ZEB1: variants seen among roughly 807,000 people sequenced by gnomAD.
The protein encoded by ZEB1 is zinc finger E-box-binding homeobox 1.
Under a neutral mutation model 84.9 loss-of-function variants are expected in ZEB1, and 21 were observed. That is an observed-to-expected ratio of 0.25 (90% confidence interval 0.18 to 0.36). ZEB1 has a LOEUF of 0.36. ZEB1 is among the 10% of genes least tolerant of loss of function. ZEB1 has a pLI of 1.00. For synonymous variants in ZEB1, 420 were observed against 471.1 expected (o/e 0.89, Z 1.41); for missense variants, 1,104 against 1,330.2 (o/e 0.83, Z 2.65).
chr10:31,402,525 G>A (rs982338855), intron 1 of ZEB1, among the ~76,000 whole-genome samples: 1 of 152,062 alleles, frequency 6.6e-6, no homozygotes, highest in African/African-American at 2.4e-5. Flanking sequence ...TTAATTACTG[G>A]TGGGGCCCTG....
chr10:31,428,969 A>G lies in ZEB1; in HGVS notation c.59-32068A>G, dbSNP rs151055984. Among the ~76,000 whole-genome samples, 128 of 152,222 alleles carry G rather than the reference A, an allele frequency of 8.4e-4. 1 individual carries two copies. The East Asian group carries it at 0.023, about 27-fold the overall frequency. On this transcript the variant is annotated intron_variant, in intron 1 of 8. Transcript: ENST00000424869. ...GCCTATGTGTGTCACTGCATGTGAG[A>G]TGGATCTCTTGAATACAGCATACCA...
In ZEB1 at chr10:31,476,464, TA is replaced by T. The variant is rs139770708; in HGVS notation, c.259+15236del. Among the ~76,000 whole-genome samples the T allele has an allele frequency of 7.3e-5, 11 of 150,312 alleles. No homozygotes were observed. The East Asian group carries it at 9.8e-4, about 13-fold the overall frequency. The stretch of plus-strand genomic sequence containing the variant: ...ATGAGTAAGGAAATTGAATCAATAG[TA>T]AAAAAAAACCTTCCAACAACAAAAA... On this transcript the variant is annotated intron_variant, in intron 2 of 8. Coordinates refer to ENST00000424869, the MANE Select transcript of ZEB1 (RefSeq NM_001174096.2).
intron 1 of ZEB1, among the ~76,000 whole-genome samples, chr10:31,322,525 G>A (rs1444520528): frequency 6.6e-6 from 1 of 152,182 alleles, no homozygotes; most frequent in East Asian, 1.9e-4. Context: ...GATATTAAAA[G>A]GAGTATCAGG....
intron 1 of ZEB1, among the ~76,000 whole-genome samples, chr10:31,347,964 A>G (rs953578588): frequency 2.0e-5 from 3 of 152,328 alleles, no homozygotes; most frequent in East Asian, 3.9e-4. Context: ...AGAGCAACAG[A>G]TGGTGTCTGG....
At chr10:31,432,585 T>C (rs1014811516) in intron 1 of ZEB1, among the ~76,000 whole-genome samples, 1 of 152,140 alleles carries the variant, frequency 6.6e-6, no homozygotes, top group Non-Finnish European at 1.5e-5. Context: ...CGCAATACCC[T>C]GTCTCAATTT....
chr10:31,526,580 C>G (rs921583580), intron 8 of ZEB1, 92 bp from the exon 9 acceptor site: 1 of 1,448,060 alleles, frequency 6.9e-7, no homozygotes, highest in African/African-American at 1.4e-5. Context: ...AATAACCCTC[C>G]CCTTTCTACA....
chr10:31,363,993 G>A (rs1250978425), intron 1 of ZEB1, among the ~76,000 whole-genome samples: 1 of 152,206 alleles, frequency 6.6e-6, no homozygotes, highest in Non-Finnish European at 1.5e-5. Context: ...GTTGCCGATG[G>A]CATGGCCAGG....
chr10:31,368,656 C>T (rs974537092), intron 1 of ZEB1, among the ~76,000 whole-genome samples: 13 of 151,896 alleles, frequency 8.6e-5, no homozygotes, highest in African/African-American at 2.4e-4. Flanking sequence ...AAGTAAAACT[C>T]GTTAAGCATT....
chr10:31,442,202 T>C (rs1229838751), intron 1 of ZEB1, among the ~76,000 whole-genome samples: 1 of 152,200 alleles, frequency 6.6e-6, no homozygotes, highest in Non-Finnish European at 1.5e-5. Flanking sequence ...AGGTGGCACA[T>C]ATACACCATG....
chr10:31,475,889 A>G (rs2064089438), intron 2 of ZEB1, among the ~76,000 whole-genome samples: 4 of 152,136 alleles, frequency 2.6e-5, no homozygotes, highest in Non-Finnish European at 5.9e-5. Flanking sequence ...CTGAGACTCC[A>G]AGGCACCTAG....
intron 1 of ZEB1, among the ~76,000 whole-genome samples, chr10:31,379,019 GTACC>G (rs796091675): frequency 3.3e-5 from 5 of 152,058 alleles, no homozygotes; most frequent in African/African-American, 1.2e-4. Context: ...AAATACCTGA[GTACC>G]TACTAAGTAT....
chr10:31,452,356 T>C (rs1454919105), intron 1 of ZEB1, among the ~76,000 whole-genome samples: 1 of 152,060 alleles, frequency 6.6e-6, no homozygotes, highest in Non-Finnish European at 1.5e-5. Context: ...GACAGTAAGC[T>C]AACATTATCA....
chr10:31,376,523 GTCA>G (rs1324819177), intron 1 of ZEB1, among the ~76,000 whole-genome samples: 1 of 151,628 alleles, frequency 6.6e-6, no homozygotes, highest in Non-Finnish European at 1.5e-5. Context: ...CATTATAAAC[GTCA>G]TTTAAGACAA....
At chr10:31,458,496 T>TGTAGTGTGGCTGCTC (rs1484783216) in intron 1 of ZEB1, among the ~76,000 whole-genome samples, 10 of 152,014 alleles carry the variant, frequency 6.6e-5, no homozygotes, top group African/African-American at 2.4e-4. Context: ...TCACTCTGCT[T>TGTAGTGTGGCTGCTC]GTAGTGTGGC....
chr10:31,387,286 T>G (rs573016016), intron 1 of ZEB1: 1 of 985,574 alleles, frequency 1.0e-6, no homozygotes, highest in Non-Finnish European at 1.2e-6. Flanking sequence ...GTGTAGTGAG[T>G]GCACACTCGT....
rs145529910 is a variant in ZEB1, at chr10:31,496,067, A to G, written c.322+229A>G. Among the ~76,000 whole-genome samples, 7 of 152,232 alleles carry G rather than the reference A, an allele frequency of 4.6e-5. No homozygotes were observed. The East Asian group carries it at 5.8e-4, about 13-fold the overall frequency. On this transcript the variant is annotated intron_variant, in intron 3 of 8. Coordinates refer to ENST00000424869, the MANE Select transcript of ZEB1 (RefSeq NM_001174096.2). Reference sequence around the variant, plus strand: ...ATTATGTAGCAGATTTCTCCATTCTATAAGAATGACAAGTATAACCTACAG... The same window carrying G: ...ATTATGTAGCAGATTTCTCCATTCTGTAAGAATGACAAGTATAACCTACAG...
chr10:31,333,906 C>CTA (rs1199666337), intron 1 of ZEB1, among the ~76,000 whole-genome samples: 4 of 151,878 alleles, frequency 2.6e-5, no homozygotes, highest in Admixed American at 1.3e-4. Context: ...TGTTGTATGG[C>CTA]TATATATATC....
At chr10:31,517,848 G>A (rs1007642843) in intron 6 of ZEB1, among the ~76,000 whole-genome samples, 1 of 152,030 alleles carries the variant, frequency 6.6e-6, no homozygotes, top group Non-Finnish European at 1.5e-5. Flanking sequence ...TAGTCCTCAG[G>A]ATAACCCTAT....
intron 5 of ZEB1, among the ~76,000 whole-genome samples, chr10:31,513,860 T>A (rs1192678440): frequency 2.0e-5 from 3 of 152,164 alleles, no homozygotes; most frequent in Non-Finnish European, 4.4e-5. Context: ...ACTATAATCT[T>A]GGAATCTGTA....
Sources: allele counts gnomAD v4.1 joint callset (sites outside exome capture counted in the v4.1 genomes callset), GRCh38; gene constraint gnomAD v4.1.1; transcripts MANE v1.5; gene names NCBI Gene and HGNC (gene_info 2026-07-23, HGNC 2026-07-21).